AHNAK: variants seen among roughly 807,000 people sequenced by gnomAD.
AHNAK encodes AHNAK nucleoprotein.
Under a neutral mutation model 37.8 loss-of-function variants are expected in AHNAK, and 23 were observed. That is an observed-to-expected ratio of 0.61 (90% confidence interval 0.44 to 0.86). The LOEUF (loss-of-function observed/expected upper bound fraction) is 0.86. Among genes scored for constraint, AHNAK ranks in the 40% least tolerant of loss-of-function variants. AHNAK has a pLI of 0.00. For missense variants in AHNAK, 7,411 were observed against 7,319.4 expected, an observed-to-expected ratio of 1.01 and a Z score of -0.46; for synonymous variants, 2,481 against 2,636.3, an observed-to-expected ratio of 0.94 and a Z score of 1.80.
intron 5 of AHNAK, among the ~76,000 whole-genome samples, chr11:62,483,531 C>A (rs1939319651): frequency 1.3e-5 from 2 of 151,860 alleles, no homozygotes. Flanking sequence ...TCGAGACCAT[C>A]CTGGCTAACA....
At position 62,520,249 on chromosome 11, in the gene AHNAK, A is replaced by G; in HGVS notation, c.14168T>C (p.Met4723Thr). Residue 4723 changes from methionine to threonine, a missense_variant, in exon 5 of 5, where the codon ATG (methionine) becomes ACG (threonine). By Grantham distance (81) the Met-to-Thr change is moderately conservative. Coordinates refer to ENST00000378024, the MANE Select transcript of AHNAK (RefSeq NM_001620.3). ...TTTCAGGTTTAAGTCAATATCAGGC[A>G]TGGAGATCTTGGGGGCTTTGATGCT... The part of the protein sequence containing the change: ...EMSIKAPKIS[M>T]PDIDLNLKGP... 6.2e-7 allele frequency: 1 copy of G among 1,612,494 alleles called. No individual in the cohort carries two copies. The highest frequency in any genetic ancestry group is 8.5e-7 in the Non-Finnish European group (1 of 1,179,684).
chr11:62,489,993 A>C (rs1259240641), intron 5 of AHNAK, among the ~76,000 whole-genome samples: 2 of 151,972 alleles, frequency 1.3e-5, no homozygotes, highest in African/African-American at 4.8e-5. Flanking sequence ...CTGGGCACTC[A>C]TATCAATGAA....
chr11:62,500,792 G>A (rs1477284190), intron 4 of AHNAK, among the ~76,000 whole-genome samples: 1 of 152,176 alleles, frequency 6.6e-6, no homozygotes, highest in East Asian at 1.9e-4. Context: ...GTGTGGACAG[G>A]GAACCAGCAG....
chr11:62,536,222 C>T (rs1940943373), intron 2 of AHNAK, 124 bp from the exon 3 acceptor site: 2 of 1,057,548 alleles, frequency 1.9e-6, no homozygotes. Context: ...ATGCACCTGC[C>T]CCTGCAGCTG....
At position 62,526,451 on chromosome 11, in the gene AHNAK, G is replaced by A. The variant is rs1940490230; in HGVS notation, c.7966C>T (p.Pro2656Ser). 3 of 1,611,422 alleles carry A rather than the reference G, an allele frequency of 1.9e-6. No homozygotes were observed. The East Asian group carries it at 6.7e-5, about 36-fold the overall frequency. ...TTGGGCAGCTTCACATCCCCATCTG[G>A]GCCCTCTCCTTTGAAGCCAGGCATG... is the stretch of plus-strand genomic sequence containing the variant. Reference protein sequence around the residue: ...FSMPGFKGEGPDGDVKLPKAD... With the variant: ...FSMPGFKGEGSDGDVKLPKAD... Residue 2656 changes from proline (P) to serine (S), a missense_variant, in exon 5 of 5, where the codon CCA becomes TCA. Transcript: ENST00000378024.
chr11:62,545,085 G>A (rs996967152), intron 1 of AHNAK, among the ~76,000 whole-genome samples: 1 of 152,210 alleles, frequency 6.6e-6, no homozygotes, highest in Non-Finnish European at 1.5e-5. Context: ...GACTCCGGAG[G>A]TCTAAGGACC....
Position 62,530,797 on chromosome 11 carries a change from G to A in AHNAK, c.3620C>T (p.Pro1207Leu). ...MPDVDLHLKGPKVKGDVDVSV... is the reference protein window; with the variant it reads ...MPDVDLHLKGLKVKGDVDVSV... ...CACATCCACATCCCCTTTGACTTTG[G>A]GGCCTTTCAAGTGTAAGTCCACATC... Residue 1207 changes from proline to leucine, a missense_variant, in exon 5 of 5, where the codon CCC becomes CTC. Transcript: ENST00000378024. The A allele has an allele frequency of 6.2e-7, 1 of 1,612,692 alleles. No individual in the cohort carries two copies. Among genetic ancestry groups the A allele is most frequent in the Non-Finnish European group, 8.5e-7 (1 of 1,179,692 alleles).
At chr11:62,472,114 C>A (rs1011862555) in intron 5 of AHNAK, among the ~76,000 whole-genome samples, 2 of 152,102 alleles carry the variant, frequency 1.3e-5, no homozygotes, top group African/African-American at 4.8e-5. Flanking sequence ...CTTCCCTGTG[C>A]CCACAGGCCC....
Position 62,517,516 on chromosome 11 carries a change from C to A in AHNAK, c.16901G>T (p.Gly5634Val), listed in dbSNP as rs1352004574. Residue 5634 changes from glycine (G) to valine (V), a missense_variant, in exon 5 of 5, where the codon GGA becomes GTA. Physicochemically the swap from Gly to Val is moderately radical, Grantham distance 109 (BLOSUM62 -3). Transcript: ENST00000378024. ...CACACTCAGCCCAGGAGCCTGGAGT[C>A]CAATCTGACCTCCTTTCACACCTCC... ...VEGGVKGGQI[G>V]LQAPGLSVSG... 2 of 1,614,114 alleles carry A rather than the reference C, an allele frequency of 1.2e-6. No homozygotes were observed. Among genetic ancestry groups the A allele is most frequent in the African/African-American group, 2.7e-5 (2 of 75,014 alleles).
rs756205038 is a variant in AHNAK, at chr11:62,522,120, G to A, written c.12297C>T (p.Asp4099=). 1 of 1,609,898 alleles carries A rather than the reference G, an allele frequency of 6.2e-7. No individual in the cohort carries two copies. Among genetic ancestry groups the A allele is most frequent in the Non-Finnish European group, 8.5e-7 (1 of 1,178,788 alleles). Residue 4099 remains aspartate, a synonymous_variant, in exon 5 of 5, where the codon GAC becomes GAT. Transcript: ENST00000378024. ...GACCATGAATATCAATATCAGGAGTGTCAATGTCCACTTTGGGTCCTGAGA... is the reference window on the plus strand; with the variant it reads ...GACCATGAATATCAATATCAGGAGTATCAATGTCCACTTTGGGTCCTGAGA... ...IDVSGPKVDI[D]TPDIDIHGPE...
At position 62,523,691 on chromosome 11, in the gene AHNAK, C is replaced by T; in HGVS notation, c.10726G>A (p.Glu3576Lys). 2 of 1,613,788 alleles carry T rather than the reference C, an allele frequency of 1.2e-6. No homozygotes were observed. Among genetic ancestry groups the T allele is most frequent in the Non-Finnish European group, 8.5e-7 (1 of 1,179,948 alleles). Reference protein sequence around the residue: ...PKLEGDLKGPEVDIKGPKVDI... With the variant: ...PKLEGDLKGPKVDIKGPKVDI... ...ACTTTAGGGCCTTTGATATCAACCT[C>T]TGGCCCTTTCAGATCCCCTTCAAGT... Residue 3576 changes from glutamate to lysine, a missense_variant, in exon 5 of 5, where the codon GAG becomes AAG. Physicochemically the swap from Glu to Lys is moderately conservative, Grantham distance 56. Coordinates refer to ENST00000378024, the MANE Select transcript of AHNAK (RefSeq NM_001620.3).
chr11:62,457,447 CAA>C (rs1333104725), intron 5 of AHNAK, among the ~76,000 whole-genome samples: 4 of 126,948 alleles, frequency 3.2e-5, no homozygotes, highest in Non-Finnish European at 1.7e-5. Flanking sequence ...GACTCCTTTT[CAA>C]AAAAAAAAAA....
chr11:62,523,551 G>A lies in AHNAK; in HGVS notation c.10866C>T (p.Val3622=), dbSNP rs762292661. 1.5e-5 allele frequency: 24 copies of A among 1,611,752 alleles called. No individual in the cohort carries two copies. The East Asian group carries it at 4.5e-4, about 30-fold the overall frequency. ...TGTCAGCTTTAGGGAGGGTAACATC[G>A]ACTTCAGGGCCTTCTCCTTTGAAGC... ...MPGFKGEGPE[V]DVTLPKADID... Residue 3622 remains valine (V), a synonymous_variant, in exon 5 of 5, where the codon GTC becomes GTT. Transcript: ENST00000378024.
At position 62,536,198 on chromosome 11, in the gene AHNAK, T is replaced by A. The variant is rs945864195; in HGVS notation, c.1-100A>T. The A allele has an allele frequency of 4.5e-6, 6 of 1,339,466 alleles. No homozygotes were observed. In the Admixed American group the frequency reaches 1.1e-4, roughly 25 times the overall value. The allele number at this position is 1,339,466 out of a possible 1,614,324, so 83.0% of individuals were successfully genotyped here. ...CTCTGGCGCTGTGAACTCCAGGGAG[T>A]GGGGCCCTCAGCAATGCACCTGCCC... On this transcript the variant is annotated intron_variant, in intron 2 of 4. Coordinates refer to ENST00000378024, the MANE Select transcript of AHNAK (RefSeq NM_001620.3).
At chr11:62,504,999 C>G (rs78021720) in intron 4 of AHNAK, among the ~76,000 whole-genome samples, 1 of 152,130 alleles carries the variant, frequency 6.6e-6, no homozygotes, top group Non-Finnish European at 1.5e-5. Context: ...ACATATATGA[C>G]GCTGACACTC....
chr11:62,520,977 T>C lies in AHNAK; in HGVS notation c.13440A>G (p.Ser4480=). The C allele has an allele frequency of 2.5e-6, 4 of 1,613,942 alleles. No homozygotes were observed. The highest frequency in any genetic ancestry group is 3.4e-6 in the Non-Finnish European group (4 of 1,180,006). The change falls in exon 5 of 5, where the codon TCA becomes TCG. Residue 4480 remains serine (S), a synonymous_variant. Transcript: ENST00000378024. ...TCAGATCACTTTCCACCTTAGGTAG[T>C]GAAACATCCACATCACCCTTCACCT... is the stretch of plus-strand genomic sequence containing the variant. The part of the protein sequence containing the change: ...GPKVKGDVDV[S]LPKVESDLKG...
chr11:62,531,884 T>C lies in AHNAK; in HGVS notation c.2533A>G (p.Ser845Gly), dbSNP rs994038650. 6.2e-7 allele frequency: 1 copy of C among 1,611,326 alleles called. No homozygotes were observed. Among genetic ancestry groups the C allele is most frequent in the Admixed American group, 1.7e-5 (1 of 59,724 alleles). ...TCAACATCAGGAACTTTAATCTCAC[T>C]TTCAACCTTTGGCATTGTGACATCA... is the stretch of plus-strand genomic sequence containing the variant. The part of the protein sequence containing the change: ...EYDVTMPKVE[S>G]EIKVPDVELK... Residue 845 changes from serine to glycine, a missense_variant, in exon 5 of 5, where the codon AGT (serine) becomes GGT (glycine). Ser to Gly is a moderately conservative substitution (Grantham distance 56). Coordinates refer to ENST00000378024, the MANE Select transcript of AHNAK (RefSeq NM_001620.3).
Position 62,516,913 on chromosome 11 carries a change from T to C in AHNAK, c.17504A>G (p.His5835Arg), listed in dbSNP as rs779453715. Residue 5835 changes from histidine (H) to arginine (R), a missense_variant, in exon 5 of 5, where the codon CAT (histidine) becomes CGT (arginine). Physicochemically the swap from His to Arg is conservative, Grantham distance 29 (BLOSUM62 0). Transcript: ENST00000378024. ...ATCATCGCTCCCAGTCACCTCATAATGACCTTTGCTCTTTGACCCCAATCC... is the reference window on the plus strand; with the variant it reads ...ATCATCGCTCCCAGTCACCTCATAACGACCTTTGCTCTTTGACCCCAATCC... ...FGGLGSKSKG[H>R]YEVTGSDDET... 2.5e-6 allele frequency: 4 copies of C among 1,614,192 alleles called. No individual in the cohort carries two copies. Among genetic ancestry groups the C allele is most frequent in the Non-Finnish European group, 3.4e-6 (4 of 1,180,028 alleles).
In AHNAK at chr11:62,532,185, G is replaced by C. The variant is rs368227961; in HGVS notation, c.2232C>G (p.Asp744Glu). Residue 744 changes from aspartate (D) to glutamate (E), a missense_variant, in exon 5 of 5, where the codon GAC (aspartate) becomes GAG (glutamate). Asp to Glu is a conservative substitution (Grantham distance 45). Coordinates refer to ENST00000378024, the MANE Select transcript of AHNAK (RefSeq NM_001620.3). The stretch of plus-strand genomic sequence containing the variant: ...TCATCTTGGGCATCTTCAAGTGCCA[G>C]TCTGGGCCATGAACATCCACATCTG... ...DAPDVDVHGP[D>E]WHLKMPKMKM... 8 of 1,613,710 alleles carry C rather than the reference G, an allele frequency of 5.0e-6. No individual in the cohort carries two copies. In the African/African-American group the frequency reaches 1.1e-4, roughly 22 times the overall value.
Sources: gnomAD v4.1 joint callset for allele counts (sites outside exome capture counted in the v4.1 genomes callset) on GRCh38, gnomAD v4.1.1 for gene constraint, MANE v1.5 for transcripts, NCBI Gene and HGNC (gene_info 2026-07-23, HGNC 2026-07-21) for gene names.